SLC22A3: variants seen among roughly 807,000 people sequenced by gnomAD.
The protein encoded by SLC22A3 is solute carrier family 22 member 3.
A neutral mutation model predicts 59.1 loss-of-function variants in SLC22A3; 51 were observed. The ratio of observed to expected loss-of-function variants is 0.86; its 90% CI spans 0.69 to 1.09. The LOEUF (loss-of-function observed/expected upper bound fraction) is 1.09. Ranked by LOEUF, SLC22A3 falls within the 50% of genes least tolerant of loss-of-function variation. SLC22A3 has a pLI of 0.00. For synonymous variants in SLC22A3, 325 were observed against 292.0 expected, an observed-to-expected ratio of 1.11 and a Z score of -1.15; for missense variants, 711 against 726.3, an observed-to-expected ratio of 0.98 and a Z score of 0.24.
chr6:160,439,383 G>T (rs144591332), intron 7 of SLC22A3, among the ~76,000 whole-genome samples: 17 of 152,238 alleles, frequency 1.1e-4, no homozygotes, highest in African/African-American at 4.1e-4. Flanking sequence ...AATGCAGCGA[G>T]AAAGATGCAT....
chr6:160,452,220 G>GT lies in SLC22A3; in HGVS notation c.*1168dup, dbSNP rs1284950143. On this transcript the variant is annotated 3_prime_UTR_variant, in exon 11 of 11. Coordinates refer to ENST00000275300, the MANE Select transcript of SLC22A3 (RefSeq NM_021977.4). ...AGATGCAGTCTATATTTTATGCTGA[G>GT]TTTTAAAAATGAAATACTTTATGCA... 1 of 152,126 alleles carries GT rather than the reference G, an allele frequency of 6.6e-6. No homozygotes were observed. Among genetic ancestry groups the GT allele is most frequent in the African/African-American group, 2.4e-5 (1 of 41,410 alleles). 9.4% of individuals were successfully genotyped at this position (152,126 alleles called of 1,614,324 possible).
intron 5 of SLC22A3, among the ~76,000 whole-genome samples, chr6:160,421,043 C>T (rs1787713246): frequency 6.6e-6 from 1 of 152,174 alleles, no homozygotes; most frequent in Non-Finnish European, 1.5e-5. Context: ...GGCCCTGCTT[C>T]ATTCCTGCCT....
At position 160,397,052 on chromosome 6, in the gene SLC22A3, A is replaced by G. The variant is rs138460855; in HGVS notation, c.430-927A>G. 9.8e-4 allele frequency among the ~76,000 whole-genome samples: 150 copies of G among 152,332 alleles called. No individual in the cohort carries two copies. In the Middle Eastern group the frequency reaches 0.014, roughly 14 times the overall value. The stretch of plus-strand genomic sequence containing the variant: ...ATAGCAATTGGACACCTGATAGCAT[A>G]TAATATTCATACTCTATTGCAGCCA... On this transcript the variant is annotated intron_variant, in intron 1 of 10. Coordinates refer to ENST00000275300, the MANE Select transcript of SLC22A3 (RefSeq NM_021977.4).
At chr6:160,436,520 T>C (rs1337505440) in intron 5 of SLC22A3, among the ~76,000 whole-genome samples, 2 of 152,214 alleles carry the variant, frequency 1.3e-5, no homozygotes, top group Admixed American at 1.3e-4. Flanking sequence ...TGCATATGTA[T>C]TTAGAACATA....
intron 2 of SLC22A3, among the ~76,000 whole-genome samples, chr6:160,399,656 A>T (rs1371159903): frequency 1.3e-5 from 2 of 152,164 alleles, no homozygotes; most frequent in African/African-American, 4.8e-5. Flanking sequence ...GAAGAACAAG[A>T]AATAACTTAA....
chr6:160,450,808 C>T (rs1583526165), intron 10 of SLC22A3, among the ~76,000 whole-genome samples, 188 bp from the exon 11 acceptor site: 1 of 47,382 alleles, frequency 2.1e-5, no homozygotes, highest in African/African-American at 1.0e-4. Flanking sequence ...CCTTGACTTC[C>T]TGCAACACCC....
At chr6:160,447,526 A>G (rs940567353) in intron 9 of SLC22A3, among the ~76,000 whole-genome samples, 193 bp from the exon 10 acceptor site, 2 of 152,150 alleles carry the variant, frequency 1.3e-5, no homozygotes, top group Non-Finnish European at 2.9e-5. Flanking sequence ...GGTGCTACTC[A>G]GGGTTTGAGG....
chr6:160,398,436 T>C (rs1041673121), intron 2 of SLC22A3, among the ~76,000 whole-genome samples: 2 of 152,246 alleles, frequency 1.3e-5, no homozygotes, highest in African/African-American at 4.8e-5. Flanking sequence ...AACAACTTAC[T>C]GATTGTGGTT....
chr6:160,386,568 C>T (rs1476372552), intron 1 of SLC22A3, among the ~76,000 whole-genome samples: 2 of 152,178 alleles, frequency 1.3e-5, no homozygotes, highest in Admixed American at 1.3e-4. Flanking sequence ...GAAGTATAGG[C>T]CCAGGCGGGC....
At chr6:160,385,733 C>T (rs1301499773) in intron 1 of SLC22A3, among the ~76,000 whole-genome samples, 2 of 152,206 alleles carry the variant, frequency 1.3e-5, no homozygotes, top group Non-Finnish European at 2.9e-5. Flanking sequence ...TCCATAAATC[C>T]TTGCTTACCT....
chr6:160,389,492 A>T (rs1279591581), intron 1 of SLC22A3, among the ~76,000 whole-genome samples: 1 of 152,200 alleles, frequency 6.6e-6, no homozygotes, highest in Non-Finnish European at 1.5e-5. Flanking sequence ...TCCAAAATTC[A>T]GTCCTGCCAC....
chr6:160,408,210 G>T (rs896524126), intron 3 of SLC22A3, among the ~76,000 whole-genome samples: 1 of 152,148 alleles, frequency 6.6e-6, no homozygotes, highest in Admixed American at 6.5e-5. Flanking sequence ...AATTTCCCAT[G>T]TGATTTTTAG....
chr6:160,369,780 A>G (rs112727032), intron 1 of SLC22A3, among the ~76,000 whole-genome samples: 7 of 152,370 alleles, frequency 4.6e-5, no homozygotes, highest in African/African-American at 1.7e-4. Context: ...GCGACAAATT[A>G]TCTCAAAACG....
intron 3 of SLC22A3, 126 bp downstream of exon 3, chr6:160,407,321 T>A: frequency 1.0e-6 from 1 of 975,052 alleles, no homozygotes; most frequent in Non-Finnish European, 1.5e-6. Flanking sequence ...GCAGCTACAG[T>A]AATTATTTCT....
chr6:160,418,741 C>T (rs539157431), intron 5 of SLC22A3, among the ~76,000 whole-genome samples: 7 of 152,136 alleles, frequency 4.6e-5, no homozygotes, highest in African/African-American at 9.7e-5. Context: ...ACTGCCCATT[C>T]CTCCCGTTTT....
intron 5 of SLC22A3, among the ~76,000 whole-genome samples, chr6:160,423,467 A>G (rs904399141): frequency 2.7e-5 from 4 of 146,732 alleles, no homozygotes; most frequent in African/African-American, 1.0e-4. Context: ...AAGTGTTTCT[A>G]TTTCTCCACA....
chr6:160,439,478 C>T (rs1027354200), intron 7 of SLC22A3, among the ~76,000 whole-genome samples: 1 of 152,104 alleles, frequency 6.6e-6, no homozygotes, highest in African/African-American at 2.4e-5. Context: ...ATTGGGATGA[C>T]TTTAATGTTT....
intron 1 of SLC22A3, among the ~76,000 whole-genome samples, chr6:160,364,998 A>G (rs192048571): frequency 1.9e-4 from 29 of 152,318 alleles, no homozygotes; most frequent in Admixed American, 1.2e-3. Context: ...GTAAAAAAAT[A>G]CACTTACATA....
chr6:160,367,273 T>G (rs1277172027), intron 1 of SLC22A3, among the ~76,000 whole-genome samples: 1 of 152,042 alleles, frequency 6.6e-6, no homozygotes, highest in Non-Finnish European at 1.5e-5. Flanking sequence ...GGGGAAAAGC[T>G]CCTTAGAAAA....
Sources: gnomAD v4.1 joint callset for allele counts (sites outside exome capture counted in the v4.1 genomes callset) on GRCh38, gnomAD v4.1.1 for gene constraint, MANE v1.5 for transcripts, NCBI Gene and HGNC (gene_info 2026-07-23, HGNC 2026-07-21) for gene names.